PUDP: variants seen among roughly 807,000 people sequenced by gnomAD.
The protein encoded by PUDP is pseudouridine-5'-phosphatase.
A neutral mutation model predicts 9.4 loss-of-function variants in PUDP; 8 were observed. That is an observed-to-expected ratio of 0.85 (90% CI 0.50 to 1.53). PUDP has a LOEUF of 1.53. Among genes scored for constraint, PUDP ranks in the 40% most tolerant of loss-of-function variants. The pLI is 0.00. For synonymous variants in PUDP, 99 were observed against 80.7 expected, an observed-to-expected ratio of 1.23 and a Z score of -1.22; for missense variants, 188 against 189.7, an observed-to-expected ratio of 0.99 and a Z score of 0.05.
intron 3 of PUDP, among the ~76,000 whole-genome samples, chrX:6,917,479 T>C (rs1927953910): frequency 1.8e-5 from 2 of 112,035 alleles, no homozygotes; most frequent in Admixed American, 1.9e-4. Context: ...TAAAACTTCA[T>C]ACATCTTGTG....
intron 1 of PUDP, among the ~76,000 whole-genome samples, chrX:7,123,423 G>A (rs749461765): frequency 8.9e-6 from 1 of 111,817 alleles, no homozygotes; most frequent in South Asian, 3.7e-4. Context: ...TAATTAAAAT[G>A]GCACGCTAAA....
At chrX:7,103,009 A>C (rs1931783389) in intron 2 of PUDP, among the ~76,000 whole-genome samples, 1 of 112,155 alleles carries the variant, frequency 8.9e-6, no homozygotes, top group Admixed American at 9.4e-5. Flanking sequence ...AAGCAATCCT[A>C]CAGATTCAAT....
At chrX:7,010,259 C>T (rs1372064826) in intron 1 of PUDP, among the ~76,000 whole-genome samples, 1 of 111,551 alleles carries the variant, frequency 9.0e-6, no homozygotes, top group East Asian at 2.8e-4. Context: ...AGTCATTCTA[C>T]CCAAATCTTC....
intron 3 of PUDP, 62 bp downstream of exon 3, chrX:7,077,157 CA>C: frequency 8.7e-7 from 1 of 1,155,252 alleles, no homozygotes; most frequent in East Asian, 3.3e-5. Context: ...GCAAACACTA[CA>C]TGGATATTAT....
chrX:6,789,589 A>G (rs1331925331), intron 3 of PUDP, among the ~76,000 whole-genome samples: 1 of 111,348 alleles, frequency 9.0e-6, no homozygotes, highest in East Asian at 2.8e-4. Context: ...GGCCAGGAAT[A>G]AGAGCTCATG....
intron 3 of PUDP, among the ~76,000 whole-genome samples, chrX:6,751,698 C>G (rs768747720): frequency 1.8e-5 from 2 of 111,376 alleles, no homozygotes; most frequent in Non-Finnish European, 1.9e-5. Flanking sequence ...ATCGGCCACG[C>G]TTAGGTAAAT....
At chrX:6,829,574 C>T (rs1255916663) in intron 3 of PUDP, among the ~76,000 whole-genome samples, 1 of 111,657 alleles carries the variant, frequency 9.0e-6, no homozygotes, top group Non-Finnish European at 1.9e-5. Flanking sequence ...CCCATTCTAG[C>T]AAGTGTGGTA....
At chrX:7,141,056 A>T (rs1847528232) in intron 1 of PUDP, among the ~76,000 whole-genome samples, 2 of 111,574 alleles carry the variant, frequency 1.8e-5, no homozygotes, top group Admixed American at 1.9e-4. Context: ...CCTCTCCTCC[A>T]GGCCTCCCTA....
chrX:6,881,358 G>A (rs757602910), intron 3 of PUDP, among the ~76,000 whole-genome samples: 88 of 111,819 alleles, frequency 7.9e-4, no homozygotes, highest in African/African-American at 2.5e-3. Context: ...CTAACACCTT[G>A]CTCCCAACAG....
At chrX:6,966,353 T>C (rs1342789716) in intron 3 of PUDP, among the ~76,000 whole-genome samples, 4 of 111,035 alleles carry the variant, frequency 3.6e-5, no homozygotes, top group African/African-American at 9.8e-5. Flanking sequence ...CTTGGTTCTA[T>C]GCCTGTTATA....
chrX:6,990,816 G>A (rs1000347237), intron 1 of PUDP, among the ~76,000 whole-genome samples: 5 of 112,829 alleles, frequency 4.4e-5, no homozygotes, highest in Non-Finnish European at 7.5e-5. Context: ...GGGAGAGCCA[G>A]CAGGTTGGAG....
intron 3 of PUDP, among the ~76,000 whole-genome samples, chrX:6,900,841 G>A (rs1263878850): frequency 4.6e-5 from 5 of 108,492 alleles, no homozygotes; most frequent in South Asian, 4.1e-4. Context: ...GCAGTGGTGC[G>A]ATCTCAGCTC....
At chrX:7,004,996 A>G (rs1375201181) in intron 1 of PUDP, among the ~76,000 whole-genome samples, 1 of 112,109 alleles carries the variant, frequency 8.9e-6, no homozygotes, top group Non-Finnish European at 1.9e-5. Flanking sequence ...AAATTATTCG[A>G]CTCGAATGCT....
At chrX:7,119,903 G>C (rs1437138636) in intron 1 of PUDP, among the ~76,000 whole-genome samples, 4 of 112,093 alleles carry the variant, frequency 3.6e-5, no homozygotes, top group African/African-American at 6.5e-5. Context: ...TTGGAGGCTT[G>C]GATTATGTGA....
intron 3 of PUDP, among the ~76,000 whole-genome samples, chrX:6,778,792 A>G (rs1925509656): frequency 8.9e-6 from 1 of 112,350 alleles, no homozygotes; most frequent in Non-Finnish European, 1.9e-5. Context: ...TTAAATAAAA[A>G]CAGTGGTACC....
chrX:7,139,547 C>T (rs1248067533), intron 1 of PUDP, among the ~76,000 whole-genome samples: 2 of 65,086 alleles, frequency 3.1e-5, no homozygotes, highest in African/African-American at 1.3e-4. Context: ...TGCATGGCAG[C>T]TGACACAAGT....
intron 3 of PUDP, among the ~76,000 whole-genome samples, chrX:6,861,648 C>A (rs958977998): frequency 1.8e-5 from 2 of 111,561 alleles, no homozygotes; most frequent in Admixed American, 9.5e-5. Flanking sequence ...AATTCTCCCA[C>A]GAGTCAACCC....
At chrX:6,944,554 C>T (rs745622885) in intron 3 of PUDP, among the ~76,000 whole-genome samples, 7 of 101,826 alleles carry the variant, frequency 6.9e-5, no homozygotes, top group African/African-American at 2.5e-4. Context: ...AAGGGAAATT[C>T]CAGGCACCTA....
At chrX:6,717,750 G>A (rs1419890040) in intron 1 of PUDP, among the ~76,000 whole-genome samples, 1 of 112,021 alleles carries the variant, frequency 8.9e-6, no homozygotes, top group Non-Finnish European at 1.9e-5. Context: ...GTGAGGAGCA[G>A]TAAAAGGCAG....
Sources: allele counts gnomAD v4.1 joint callset (sites outside exome capture counted in the v4.1 genomes callset), GRCh38; gene constraint gnomAD v4.1.1; transcripts MANE v1.5; gene names NCBI Gene and HGNC (gene_info 2026-07-23, HGNC 2026-07-21).